DOCK4: variants seen among roughly 807,000 people sequenced by gnomAD.
DOCK4 encodes the protein dedicator of cytokinesis protein 4.
In DOCK4, 97 loss-of-function variants were observed where a neutral mutation model predicts 268.1. The observed-to-expected ratio is 0.36, with a 90% CI of 0.31 to 0.43. The LOEUF (loss-of-function observed/expected upper bound fraction) is 0.43. Among genes scored for constraint, DOCK4 ranks in the 20% least tolerant of loss-of-function variants. The pLI, the probability that DOCK4 is intolerant of heterozygous loss-of-function variation, is 1.00. For synonymous variants in DOCK4, 954 were observed against 887.2 expected, an observed-to-expected ratio of 1.08 and a Z score of -1.34; for missense variants, 2,145 against 2,455.7, an observed-to-expected ratio of 0.87 and a Z score of 2.67.
At chr7:111,819,875 A>G (rs1421255202) in intron 27 of DOCK4, 2 of 152,274 alleles carry the variant, frequency 1.3e-5, no homozygotes, top group Non-Finnish European at 2.9e-5. Context: ...TTTGTCTAAG[A>G]AAGTTGAAAC....
At chr7:111,791,801 C>T (rs1481975316) in intron 30 of DOCK4, among the ~76,000 whole-genome samples, 2 of 152,138 alleles carry the variant, frequency 1.3e-5, no homozygotes, top group African/African-American at 4.8e-5. Flanking sequence ...AATTCCTGGG[C>T]TCAAGCCATC....
intron 1 of DOCK4, among the ~76,000 whole-genome samples, chr7:112,114,670 A>G (rs560500676): frequency 6.6e-6 from 1 of 152,336 alleles, no homozygotes; most frequent in African/African-American, 2.4e-5. Context: ...GAATATTAAA[A>G]AGATGTGAAC....
At chr7:111,988,867 T>C (rs1799264451) in intron 6 of DOCK4, 148 bp downstream of exon 6, 2 of 1,162,420 alleles carry the variant, frequency 1.7e-6, no homozygotes, top group African/African-American at 1.6e-5. Context: ...GCTCTATCAA[T>C]GCCAGTTCGC....
chr7:112,106,306 C>A (rs1811144323), intron 1 of DOCK4, among the ~76,000 whole-genome samples: 1 of 152,182 alleles, frequency 6.6e-6, no homozygotes, highest in African/African-American at 2.4e-5. Context: ...CGGATGAGGA[C>A]AACTCTTAAC....
chr7:111,734,969 T>G, intron 51 of DOCK4, 85 bp downstream of exon 51: 1 of 1,099,030 alleles, frequency 9.1e-7, no homozygotes, highest in Non-Finnish European at 1.3e-6. Flanking sequence ...AACGCCTACC[T>G]TTCTCTCAGG....
At chr7:112,146,865 C>A (rs556614986) in intron 1 of DOCK4, among the ~76,000 whole-genome samples, 186 of 152,090 alleles carry the variant, frequency 1.2e-3, no homozygotes, top group African/African-American at 4.4e-3. Flanking sequence ...GTAACAGTAT[C>A]CAAAATTTGA....
At chr7:112,149,604 G>A (rs1027223653) in intron 1 of DOCK4, among the ~76,000 whole-genome samples, 3 of 151,688 alleles carry the variant, frequency 2.0e-5, no homozygotes, top group Non-Finnish European at 1.5e-5. Flanking sequence ...AAGAAGAGAA[G>A]ATCAACCATC....
At chr7:111,773,580 C>A (rs1427642080) in intron 36 of DOCK4, among the ~76,000 whole-genome samples, 1 of 151,590 alleles carries the variant, frequency 6.6e-6, no homozygotes, top group East Asian at 1.9e-4. Context: ...CTTTTTGAAT[C>A]GAGAATTACC....
intron 42 of DOCK4, among the ~76,000 whole-genome samples, chr7:111,755,221 A>G (rs1442593109): frequency 6.6e-6 from 1 of 152,210 alleles, no homozygotes; most frequent in Non-Finnish European, 1.5e-5. Flanking sequence ...TCACACAGCT[A>G]TAGTAATTAG....
intron 1 of DOCK4, among the ~76,000 whole-genome samples, chr7:112,008,854 C>T (rs1041216783): frequency 3.9e-5 from 6 of 152,040 alleles, no homozygotes; most frequent in African/African-American, 4.8e-5. Context: ...AGTAGCTGGG[C>T]GTGGTGGCGG....
At chr7:111,845,990 A>G (rs1003548740) in intron 24 of DOCK4, among the ~76,000 whole-genome samples, 1 of 152,104 alleles carries the variant, frequency 6.6e-6, no homozygotes, top group African/African-American at 2.4e-5. Context: ...TGGGGCCTGG[A>G]TCATGGGGGT....
At chr7:111,877,231 T>C in intron 16 of DOCK4, 45 bp from the exon 17 acceptor site, 1 of 1,298,648 alleles carries the variant, frequency 7.7e-7, no homozygotes. Flanking sequence ...GGAAGAGATC[T>C]CATAAGAATT....
At chr7:111,790,192 G>A (rs956470778) in intron 31 of DOCK4, among the ~76,000 whole-genome samples, 1 of 152,096 alleles carries the variant, frequency 6.6e-6, no homozygotes, top group Admixed American at 6.5e-5. Flanking sequence ...GTCTCTGCAA[G>A]TTCTTAAATA....
intron 15 of DOCK4, among the ~76,000 whole-genome samples, chr7:111,897,545 G>A (rs886454983): frequency 3.3e-5 from 5 of 152,060 alleles, no homozygotes; most frequent in East Asian, 1.9e-4. Flanking sequence ...ATACTGGCCC[G>A]TAAGAGCTGA....
chr7:111,904,153 A>G (rs1429384680), intron 13 of DOCK4, among the ~76,000 whole-genome samples: 17 of 152,180 alleles, frequency 1.1e-4, no homozygotes, highest in Non-Finnish European at 2.2e-4. Flanking sequence ...GGCTAGGCCC[A>G]AAGGAGGGAA....
intron 30 of DOCK4, 86 bp from the exon 31 acceptor site, chr7:111,790,691 A>G (rs962488369): frequency 2.7e-5 from 36 of 1,357,862 alleles, no homozygotes; most frequent in Non-Finnish European, 3.3e-5. Context: ...GTTTAAAACT[A>G]TTGCTAGAAA....
At chr7:111,868,258 T>G (rs1021963383) in intron 21 of DOCK4, 104 bp from the exon 22 acceptor site, 4 of 903,604 alleles carry the variant, frequency 4.4e-6, no homozygotes, top group African/African-American at 1.7e-5. Context: ...ACTTTTACAT[T>G]ATTCATGTAG....
intron 23 of DOCK4, among the ~76,000 whole-genome samples, chr7:111,850,922 G>A (rs1005452523): frequency 2.0e-5 from 3 of 152,266 alleles, no homozygotes; most frequent in South Asian, 2.1e-4. Context: ...ACACGGACGC[G>A]TGTAACACTT....
At chr7:112,125,268 C>CCT (rs1813110082) in intron 1 of DOCK4, among the ~76,000 whole-genome samples, 2 of 152,196 alleles carry the variant, frequency 1.3e-5, no homozygotes, top group Non-Finnish European at 2.9e-5. Flanking sequence ...GATCCCAAAC[C>CCT]CTCTCTATCA....
Sources: gnomAD v4.1 joint callset for allele counts (sites outside exome capture counted in the v4.1 genomes callset) on GRCh38, gnomAD v4.1.1 for gene constraint, MANE v1.5 for transcripts, NCBI Gene and HGNC (gene_info 2026-07-23, HGNC 2026-07-21) for gene names.